Variants in MREG observed in about 807,000 individuals in gnomAD.
MREG encodes the protein dilute suppressor protein homolog.
A neutral mutation model predicts 28.5 loss-of-function variants in MREG; 31 were observed. The observed-to-expected ratio is 1.09, with a 90% CI of 0.82 to 1.47. The LOEUF is 1.47. Among genes scored for constraint, MREG ranks in the 40% most tolerant of loss-of-function variants. MREG has a pLI of 0.00. For synonymous variants in MREG, 106 were observed against 95.2 expected, an observed-to-expected ratio of 1.11 and a Z score of -0.66; for missense variants, 256 against 257.4, an observed-to-expected ratio of 0.99 and a Z score of 0.04.
intron 2 of MREG, among the ~76,000 whole-genome samples, chr2:215,961,748 G>C (rs6706748): frequency 0.85 from 128,884 of 152,084 alleles, 54,810 homozygotes; most frequent in Non-Finnish European, 0.88. Flanking sequence ...TTGACCCAGA[G>C]CTATCTACTT....
intron 2 of MREG, among the ~76,000 whole-genome samples, chr2:215,987,481 G>A (rs770558744): frequency 1.3e-5 from 2 of 150,344 alleles, no homozygotes; most frequent in East Asian, 1.9e-4. Flanking sequence ...TCTGGATCTC[G>A]TGAGCCACCC....
intron 2 of MREG, among the ~76,000 whole-genome samples, chr2:215,995,511 C>CCCCCCCCCCCCCCG (rs146414052): frequency 5.1e-5 from 7 of 136,118 alleles, no homozygotes; most frequent in African/African-American, 1.9e-4. Context: ...CCCACCCCAC[C>CCCCCCCCCCCCCCG]CCCCGCCACC....
At chr2:215,980,758 G>A (rs188854029) in intron 2 of MREG, among the ~76,000 whole-genome samples, 1 of 151,916 alleles carries the variant, frequency 6.6e-6, no homozygotes, top group East Asian at 1.9e-4. Context: ...GTTGCAGTGA[G>A]CAGAGATCAC....
intron 2 of MREG, among the ~76,000 whole-genome samples, chr2:215,969,933 A>G (rs1248223428): frequency 6.6e-6 from 1 of 152,196 alleles, no homozygotes; most frequent in Non-Finnish European, 1.5e-5. Flanking sequence ...TTTTCTACTC[A>G]TTTAGTTAGA....
chr2:215,979,977 A>AC (rs1491467081), intron 2 of MREG, among the ~76,000 whole-genome samples: 2 of 36,330 alleles, frequency 5.5e-5, no homozygotes, highest in African/African-American at 9.4e-5. Flanking sequence ...AAACAAACAA[A>AC]CAAAAAAAAA....
chr2:215,963,020 C>T lies in MREG; in HGVS notation c.256-15907G>A, dbSNP rs544340723. Among the ~76,000 whole-genome samples, 3 of 152,230 alleles carry T rather than the reference C, an allele frequency of 2.0e-5. No individual in the cohort carries two copies. The South Asian group carries it at 6.2e-4, about 32-fold the overall frequency. ...GTGCACACCTGTAGCCCCAGCTTCT[C>T]AGGTGGCTGAGGTAGGAGGATTGCT... is the stretch of plus-strand genomic sequence containing the variant. On this transcript the variant is annotated intron_variant, in intron 2 of 4. Coordinates refer to ENST00000263268, the MANE Select transcript of MREG (RefSeq NM_018000.3).
chr2:215,957,462 A>G (rs1369237692), intron 2 of MREG, among the ~76,000 whole-genome samples: 5 of 149,088 alleles, frequency 3.4e-5, no homozygotes. Flanking sequence ...CTTTGTCCCC[A>G]CTTCATCTCT....
At chr2:216,017,571 C>T (rs1694466653), upstream of MREG, among the ~76,000 whole-genome samples, 1 of 152,178 alleles carries the variant, frequency 6.6e-6, no homozygotes, top group Non-Finnish European at 1.5e-5. Flanking sequence ...ACACCGCCAA[C>T]CACATGCAGC....
At chr2:215,968,442 CT>C (rs1335019593) in intron 2 of MREG, among the ~76,000 whole-genome samples, 1 of 152,202 alleles carries the variant, frequency 6.6e-6, no homozygotes, top group African/African-American at 2.4e-5. Context: ...CTCCCTCTGC[CT>C]GGCCCCACCC....
intron 2 of MREG, among the ~76,000 whole-genome samples, chr2:215,989,245 G>A (rs1378087590): frequency 2.0e-5 from 3 of 152,226 alleles, no homozygotes; most frequent in African/African-American, 7.2e-5. Context: ...GTGATACCCA[G>A]GCAAACAGGG....
Position 215,943,857 on chromosome 2 carries a change from A to AT in MREG, c.*1005_*1006insA, listed in dbSNP as rs1692245980. ...GTCCATCAAAAAAAAAAAAAAAAAAAAAAAGAGCGAAAGGCTTTTGGAATA... is the reference window on the plus strand; with the variant it reads ...GTCCATCAAAAAAAAAAAAAAAAAAATAAAAGAGCGAAAGGCTTTTGGAATA... On this transcript the variant is annotated 3_prime_UTR_variant, in exon 5 of 5. Coordinates refer to ENST00000263268, the MANE Select transcript of MREG (RefSeq NM_018000.3). The AT allele has an allele frequency of 6.3e-6, 1 of 158,126 alleles. No individual in the cohort carries two copies. Among genetic ancestry groups the AT allele is most frequent in the Non-Finnish European group, 1.4e-5 (1 of 72,074 alleles). The allele number at this position is 158,126 out of a possible 1,614,324, so 9.8% of individuals were successfully genotyped here.
chr2:215,993,544 TG>T (rs1464426585), intron 2 of MREG, among the ~76,000 whole-genome samples: 1 of 152,062 alleles, frequency 6.6e-6, no homozygotes, highest in African/African-American at 2.4e-5. Context: ...CCAAAAACAA[TG>T]GCAACAAAAG....
chr2:215,966,833 C>G (rs1692955205), intron 2 of MREG, among the ~76,000 whole-genome samples: 1 of 152,134 alleles, frequency 6.6e-6, no homozygotes, highest in Non-Finnish European at 1.5e-5. Context: ...AACTCCTGAC[C>G]TCGTGATCCT....
chr2:216,009,676 C>T (rs1694246498), intron 1 of MREG, among the ~76,000 whole-genome samples: 1 of 152,130 alleles, frequency 6.6e-6, no homozygotes, highest in African/African-American at 2.4e-5. Context: ...GTTGGGATTA[C>T]AGGTGCCCGC....
At chr2:216,005,675 A>C (rs1427989621) in intron 1 of MREG, among the ~76,000 whole-genome samples, 1 of 149,850 alleles carries the variant, frequency 6.7e-6, no homozygotes, top group African/African-American at 2.4e-5. Context: ...CTGGTCTCAA[A>C]CCCCTGACCT....
At chr2:216,017,996 CAAAAAAAA>C, upstream of MREG, among the ~76,000 whole-genome samples, 1 of 127,398 alleles carries the variant, frequency 7.8e-6, no homozygotes, top group South Asian at 2.5e-4. Flanking sequence ...ACTAAAAATA[CAAAAAAAA>C]AAAAAAAAAT....
intron 2 of MREG, among the ~76,000 whole-genome samples, chr2:215,975,567 C>A (rs951611648): frequency 6.6e-6 from 1 of 152,226 alleles, no homozygotes; most frequent in Non-Finnish European, 1.5e-5. Context: ...GCAGCCACAT[C>A]CCATGGGCTC....
intron 2 of MREG, among the ~76,000 whole-genome samples, chr2:215,970,533 G>GA (rs1693059909): frequency 6.6e-6 from 1 of 152,208 alleles, no homozygotes; most frequent in Non-Finnish European, 1.5e-5. Context: ...CTGCATCAAA[G>GA]GACTGTGACT....
At chr2:215,972,412 G>A (rs2105991096) in intron 2 of MREG, among the ~76,000 whole-genome samples, 1 of 152,284 alleles carries the variant, frequency 6.6e-6, no homozygotes, top group Non-Finnish European at 1.5e-5. Context: ...GGAGGCCGAG[G>A]CAAGTGGATC....
Sources: allele counts gnomAD v4.1 joint callset (sites outside exome capture counted in the v4.1 genomes callset), GRCh38; gene constraint gnomAD v4.1.1; transcripts MANE v1.5; gene names NCBI Gene and HGNC (gene_info 2026-07-23, HGNC 2026-07-21).